Variants in NXPE2 observed in about 807,000 individuals in gnomAD.
The protein encoded by NXPE2 is neurexophilin and PC-esterase domain family member 2.
NXPE2 carries 34 observed loss-of-function variants against 34.4 expected under a neutral mutation model. That is an observed-to-expected ratio of 0.99 (90% confidence interval 0.75 to 1.31). The LOEUF is 1.31. Among genes scored for constraint, NXPE2 ranks in the 40% most tolerant of loss-of-function variants. NXPE2 has a pLI of 0.00. For synonymous variants in NXPE2, 235 were observed against 231.3 expected (o/e 1.02, Z -0.15); for missense variants, 649 against 672.5 (o/e 0.97, Z 0.39).
At chr11:114,574,904 C>T in the NXPE2 span, among the ~76,000 whole-genome samples, 1 of 151,844 alleles carries the variant, frequency 6.6e-6, no homozygotes, top group Non-Finnish European at 1.5e-5. Flanking sequence ...AACTACAGAC[C>T]AGTAACATCC....
At chr11:114,737,864 C>T in the NXPE2 span, among the ~76,000 whole-genome samples, 1 of 152,086 alleles carries the variant, frequency 6.6e-6, no homozygotes, top group Non-Finnish European at 1.5e-5. Context: ...GGGCAGATCA[C>T]CTGAGCTTAG....
chr11:114,808,025 C>A, the NXPE2 span, among the ~76,000 whole-genome samples: 1 of 152,190 alleles, frequency 6.6e-6, no homozygotes. Context: ...AACTAGAACC[C>A]AGGATTAAGA....
chr11:114,519,300 G>A, the NXPE2 span, among the ~76,000 whole-genome samples: 1 of 152,130 alleles, frequency 6.6e-6, no homozygotes, highest in African/African-American at 2.4e-5. Context: ...ACTATCATAT[G>A]CTGTTCTCTC....
At chr11:114,612,037 G>A in the NXPE2 span, among the ~76,000 whole-genome samples, 1 of 151,926 alleles carries the variant, frequency 6.6e-6, no homozygotes, top group Non-Finnish European at 1.5e-5. Flanking sequence ...TTACCTGGTG[G>A]ATAAGAAGTG....
chr11:114,493,755 G>C, the NXPE2 span, among the ~76,000 whole-genome samples: 1 of 151,664 alleles, frequency 6.6e-6, no homozygotes, highest in Non-Finnish European at 1.5e-5. Flanking sequence ...CTACAATTAC[G>C]GTGTTATAAT....
At chr11:114,708,433 T>C (rs1417853909), downstream of NXPE2, among the ~76,000 whole-genome samples, 2 of 152,112 alleles carry the variant, frequency 1.3e-5, no homozygotes, top group Non-Finnish European at 2.9e-5. Context: ...TCTATTAATA[T>C]ACTCTAGGTC....
At chr11:114,585,526 A>C in the NXPE2 span, among the ~76,000 whole-genome samples, 3 of 152,144 alleles carry the variant, frequency 2.0e-5, no homozygotes, top group Middle Eastern at 3.2e-3. Context: ...CTGTAAAAAG[A>C]GAAAAAGAAG....
the NXPE2 span, among the ~76,000 whole-genome samples, chr11:114,729,924 GATTTTT>G: frequency 6.6e-6 from 1 of 151,960 alleles, no homozygotes; most frequent in Non-Finnish European, 1.5e-5. Flanking sequence ...CCCACTTGTT[GATTTTT>G]ATTTTTGTTG....
At chr11:114,599,128 T>C in the NXPE2 span, among the ~76,000 whole-genome samples, 1 of 152,198 alleles carries the variant, frequency 6.6e-6, no homozygotes, top group African/African-American at 2.4e-5. Context: ...TTGAACACTT[T>C]GCTGCTTAGA....
chr11:114,527,314 C>T, the NXPE2 span: 1 of 152,166 alleles, frequency 6.6e-6, no homozygotes, highest in African/African-American at 2.4e-5. Context: ...AAGTAAGTAT[C>T]ATGATGGATG....
the NXPE2 span, among the ~76,000 whole-genome samples, chr11:114,610,531 G>A: frequency 4.8e-5 from 7 of 145,628 alleles, no homozygotes; most frequent in South Asian, 4.5e-4. Flanking sequence ...ACTGTTACCC[G>A]GTGGATAATA....
At chr11:114,567,207 G>A in the NXPE2 span, among the ~76,000 whole-genome samples, 2 of 151,980 alleles carry the variant, frequency 1.3e-5, no homozygotes, top group African/African-American at 2.4e-5. Flanking sequence ...TTCCACATTG[G>A]CTACAGCACC....
chr11:114,577,944 CATTT>C, the NXPE2 span, among the ~76,000 whole-genome samples: 2 of 152,074 alleles, frequency 1.3e-5, no homozygotes, highest in South Asian at 4.1e-4. Flanking sequence ...ATATACAAAG[CATTT>C]ATTTGGACTG....
the NXPE2 span, among the ~76,000 whole-genome samples, chr11:114,598,951 T>G: frequency 6.6e-6 from 1 of 152,210 alleles, no homozygotes; most frequent in Admixed American, 6.5e-5. Flanking sequence ...TTCTGCAGCC[T>G]TCCTGAATTC....
the NXPE2 span, among the ~76,000 whole-genome samples, chr11:114,810,197 G>A: frequency 1.4e-5 from 2 of 147,472 alleles, no homozygotes; most frequent in Non-Finnish European, 3.0e-5. Flanking sequence ...AATTCAAGAT[G>A]GATTAAAGAC....
At chr11:114,790,693 A>G in the NXPE2 span, among the ~76,000 whole-genome samples, 13 of 152,322 alleles carry the variant, frequency 8.5e-5, no homozygotes, top group East Asian at 1.9e-3. Context: ...ACATTTTAGC[A>G]ATCTTGGTCC....
the NXPE2 span, among the ~76,000 whole-genome samples, chr11:114,505,714 G>A: frequency 6.6e-6 from 1 of 152,092 alleles, no homozygotes; most frequent in African/African-American, 2.4e-5. Flanking sequence ...CCTTACAAGA[G>A]CTCCTGAAGG....
At chr11:114,629,647 CAG>C in the NXPE2 span, among the ~76,000 whole-genome samples, 3 of 152,046 alleles carry the variant, frequency 2.0e-5, no homozygotes, top group African/African-American at 7.2e-5. Context: ...TCCTATTCAT[CAG>C]AGTGTTGGAA....
the NXPE2 span, among the ~76,000 whole-genome samples, chr11:114,552,497 A>G: frequency 3.3e-5 from 5 of 152,202 alleles, no homozygotes; most frequent in Non-Finnish European, 5.9e-5. Flanking sequence ...TCAAAACAGA[A>G]TCCCGATTTT....
Sources: gnomAD v4.1 joint callset for allele counts (sites outside exome capture counted in the v4.1 genomes callset) on GRCh38, gnomAD v4.1.1 for gene constraint, MANE v1.5 for transcripts, NCBI Gene and HGNC (gene_info 2026-07-23, HGNC 2026-07-21) for gene names.